SYN2: variants seen among roughly 807,000 people sequenced by gnomAD.
SYN2 encodes synapsin-2.
Under a neutral mutation model 50.9 loss-of-function variants are expected in SYN2, and 19 were observed. That is an observed-to-expected ratio of 0.37 (90% CI 0.26 to 0.55). The LOEUF is 0.55. Ranked by LOEUF, SYN2 falls within the 20% of genes least tolerant of loss-of-function variation. The pLI, the probability that SYN2 is intolerant of heterozygous loss-of-function variation, is 0.81. For synonymous variants in SYN2, 255 were observed against 224.9 expected (o/e 1.13, Z -1.20); for missense variants, 587 against 576.4 (o/e 1.02, Z -0.19).
intron 3 of SYN2, among the ~76,000 whole-genome samples, chr3:12,144,168 G>A (rs1697091558): frequency 6.6e-6 from 1 of 152,222 alleles, no homozygotes. Context: ...GTGGTCCTCT[G>A]GAATAGCGGT....
At chr3:12,042,374 G>T (rs1441091929) in intron 1 of SYN2, among the ~76,000 whole-genome samples, 1 of 152,194 alleles carries the variant, frequency 6.6e-6, no homozygotes, top group Non-Finnish European at 1.5e-5. Context: ...AACTGCTCTA[G>T]ATAGGACTAG....
chr3:12,048,625 A>G (rs1400011470), intron 1 of SYN2, among the ~76,000 whole-genome samples: 1 of 152,198 alleles, frequency 6.6e-6, no homozygotes, highest in Non-Finnish European at 1.5e-5. Context: ...AGGTATTGTG[A>G]TAGGTAGATA....
chr3:12,015,676 C>G (rs1694014087), intron 1 of SYN2, among the ~76,000 whole-genome samples: 1 of 152,210 alleles, frequency 6.6e-6, no homozygotes, highest in Admixed American at 6.5e-5. Context: ...TCGCACCTCT[C>G]CCTCATTCAC....
chr3:12,027,615 A>C (rs1694289888), intron 1 of SYN2, among the ~76,000 whole-genome samples: 1 of 152,226 alleles, frequency 6.6e-6, no homozygotes, highest in South Asian at 2.1e-4. Context: ...TAGGCACTTT[A>C]CATATATTAT....
intron 4 of SYN2, among the ~76,000 whole-genome samples, chr3:12,147,440 G>A (rs1322221015): frequency 1.3e-5 from 2 of 152,088 alleles, no homozygotes; most frequent in Non-Finnish European, 2.9e-5. Context: ...GTGGCCTGAG[G>A]CATCTGGAAT....
At chr3:12,058,164 G>A (rs1426117068) in intron 1 of SYN2, among the ~76,000 whole-genome samples, 1 of 152,128 alleles carries the variant, frequency 6.6e-6, no homozygotes, top group Non-Finnish European at 1.5e-5. Context: ...GGTTGATTTG[G>A]TAGACCATTT....
chr3:12,034,247 G>C (rs758124605), intron 1 of SYN2, among the ~76,000 whole-genome samples: 4 of 152,132 alleles, frequency 2.6e-5, no homozygotes, highest in Admixed American at 6.6e-5. Context: ...TTGTGAAGTA[G>C]TATCTCATTG....
chr3:12,176,398 C>T (rs73141775), intron 10 of SYN2, among the ~76,000 whole-genome samples: 6 of 152,316 alleles, frequency 3.9e-5, no homozygotes, highest in African/African-American at 1.2e-4. Context: ...ATTGCTCATG[C>T]AGGAATTTCA....
At chr3:12,153,975 C>G (rs372122443) in intron 5 of SYN2, among the ~76,000 whole-genome samples, 1 of 152,170 alleles carries the variant, frequency 6.6e-6, no homozygotes, top group Non-Finnish European at 1.5e-5. Context: ...CTTGCCAGAG[C>G]TTTCATTTCT....
chr3:12,148,310 C>T (rs1345581432), intron 4 of SYN2, among the ~76,000 whole-genome samples: 1 of 152,106 alleles, frequency 6.6e-6, no homozygotes, highest in Non-Finnish European at 1.5e-5. Context: ...AGCAGGGCTC[C>T]CTGGCCAGAC....
rs113917675 is a variant in SYN2, at chr3:12,129,148, A to G, written c.378-11503A>G. On this transcript the variant is annotated intron_variant, in intron 1 of 12. Transcript: ENST00000621198. ...AAATAATGAATATTATGAAGATAAT[A>G]TAGAGAATGATGGAGGGGGCACAGA... Among the ~76,000 whole-genome samples, 61 of 152,336 alleles carry G rather than the reference A, an allele frequency of 4.0e-4. 1 individual carries two copies. Among genetic ancestry groups the G allele is most frequent in the African/African-American group, 1.4e-3 (60 of 41,584 alleles).
At chr3:12,131,651 C>CTT (rs60176639) in intron 1 of SYN2, among the ~76,000 whole-genome samples, 7,083 of 147,782 alleles carry the variant, frequency 0.048, 220 homozygotes, top group Middle Eastern at 0.11. Context: ...TTACAGGATT[C>CTT]TTTTTTTTTT....
intron 8 of SYN2, 23 bp downstream of exon 8, chr3:12,167,331 G>C (rs1463058266): frequency 6.2e-7 from 1 of 1,604,046 alleles, no homozygotes; most frequent in Non-Finnish European, 8.5e-7. Flanking sequence ...AAGGAGTCCA[G>C]TTTCCAGCCC....
chr3:12,093,527 C>G (rs1408795521), intron 1 of SYN2, among the ~76,000 whole-genome samples: 1 of 152,132 alleles, frequency 6.6e-6, no homozygotes, highest in Non-Finnish European at 1.5e-5. Flanking sequence ...TCTGCCATCA[C>G]TGAAGTACAT....
At chr3:12,092,219 C>T (rs550570045) in intron 1 of SYN2, among the ~76,000 whole-genome samples, 26 of 152,264 alleles carry the variant, frequency 1.7e-4, no homozygotes, top group African/African-American at 6.0e-4. Context: ...TTAATTCCTT[C>T]ACTATTAAAT....
At chr3:12,089,639 A>G (rs1238900330) in intron 1 of SYN2, among the ~76,000 whole-genome samples, 1 of 152,200 alleles carries the variant, frequency 6.6e-6, no homozygotes. Flanking sequence ...GTGAGATATT[A>G]TATTTAAATT....
chr3:12,187,114 T>C (rs1401514833), intron 11 of SYN2, among the ~76,000 whole-genome samples: 1 of 152,176 alleles, frequency 6.6e-6, no homozygotes, highest in East Asian at 1.9e-4. Flanking sequence ...ACGGGGCCGC[T>C]CGTCCCTGGT....
intron 1 of SYN2, among the ~76,000 whole-genome samples, chr3:12,080,288 G>A (rs766486302): frequency 7.0e-6 from 1 of 143,836 alleles, no homozygotes; most frequent in Non-Finnish European, 1.5e-5. Context: ...AGGGTTTTTT[G>A]TGTCTCTGTC....
chr3:12,144,044 TTGTATATCATA>T (rs1202851228), intron 3 of SYN2, among the ~76,000 whole-genome samples: 1 of 152,176 alleles, frequency 6.6e-6, no homozygotes, highest in Non-Finnish European at 1.5e-5. Context: ...AAGTAGGTCA[TTGTATATCATA>T]TGACTCTGCT....
Sources: gnomAD v4.1 joint callset for allele counts (sites outside exome capture counted in the v4.1 genomes callset) on GRCh38, gnomAD v4.1.1 for gene constraint, MANE v1.5 for transcripts, NCBI Gene and HGNC (gene_info 2026-07-23, HGNC 2026-07-21) for gene names.